The following VRK3 variants were observed in gnomAD, a reference collection of about 807,000 sequenced individuals.
VRK3 encodes serine/threonine-protein kinase VRK3.
VRK3 carries 50 observed loss-of-function variants against 60.4 expected under a neutral mutation model. The ratio of observed to expected loss-of-function variants is 0.83; its 90% CI spans 0.66 to 1.05. The LOEUF (loss-of-function observed/expected upper bound fraction) is 1.05. Among genes scored for constraint, VRK3 ranks in the 50% least tolerant of loss-of-function variants. VRK3 has a pLI of 0.00. For synonymous variants in VRK3, 246 were observed against 227.8 expected (o/e 1.08, Z -0.72); for missense variants, 549 against 585.3 (o/e 0.94, Z 0.64).
chr19:50,012,389 TATC>T (rs1223681603), intron 3 of VRK3, among the ~76,000 whole-genome samples: 2 of 152,224 alleles, frequency 1.3e-5, no homozygotes, highest in Non-Finnish European at 2.9e-5. Flanking sequence ...TCCCCTCTGT[TATC>T]ATGCAACCTG....
At chr19:50,001,388 AG>A (rs2076803204) in intron 5 of VRK3, 1 of 153,126 alleles carries the variant, frequency 6.5e-6, no homozygotes, top group African/African-American at 2.4e-5. Context: ...ACTTCATCCA[AG>A]GCCACATCCC....
At chr19:50,014,035 G>A (rs1414659953) in intron 3 of VRK3, among the ~76,000 whole-genome samples, 2 of 152,194 alleles carry the variant, frequency 1.3e-5, no homozygotes, top group East Asian at 3.9e-4. Flanking sequence ...GGGGGGCTGA[G>A]GCAGGTAGAT....
At chr19:49,995,073 C>T (rs2076678234) in intron 8 of VRK3, 118 bp downstream of exon 8, 20 of 1,303,658 alleles carry the variant, frequency 1.5e-5, no homozygotes, top group African/African-American at 5.9e-5. Flanking sequence ...GTCAAAACTA[C>T]GAGAAGGCAG....
intron 5 of VRK3, among the ~76,000 whole-genome samples, chr19:50,003,865 T>C (rs2076850431): frequency 6.6e-6 from 1 of 152,206 alleles, no homozygotes; most frequent in African/African-American, 2.4e-5. Flanking sequence ...CTGTCTGTGC[T>C]GGCACCGCGG....
Position 49,988,637 on chromosome 19 carries a change from G to A in VRK3, c.1097-145C>T, listed in dbSNP as rs548880941. ...TCCAGCCATATGGGCTGTCTCCTCC[G>A]CTCATTCACTTTCATGAGTAGGCAG... On this transcript the variant is annotated intron_variant, in intron 11 of 14. Transcript: ENST00000316763. 58 of 1,133,482 alleles carry A rather than the reference G, an allele frequency of 5.1e-5. No individual in the cohort carries two copies. In the South Asian group the frequency reaches 7.1e-4, roughly 14 times the overall value. 70.2% of individuals were successfully genotyped at this position (1,133,482 alleles called of 1,614,324 possible). A position where few individuals can be genotyped will look rare whatever the true frequency, so the allele number is the denominator to read the frequency against.
At chr19:50,022,833 CTGTCCCTCCTCTACTCA>C (rs2077192954) in intron 1 of VRK3, among the ~76,000 whole-genome samples, 1 of 152,090 alleles carries the variant, frequency 6.6e-6, no homozygotes, top group African/African-American at 2.4e-5. Flanking sequence ...AAGTCAGACC[CTGTCCCTCCTCTACTCA>C]AAACCGTATG....
At chr19:50,021,412 G>GGCTC (rs1296224229) in intron 1 of VRK3, among the ~76,000 whole-genome samples, 3 of 152,162 alleles carry the variant, frequency 2.0e-5, no homozygotes, top group Non-Finnish European at 4.4e-5. Context: ...GCACCTGGCT[G>GGCTC]GCTCGCTCAG....
intron 6 of VRK3, chr19:49,997,820 T>A (rs1286727853): frequency 7.4e-6 from 3 of 405,092 alleles, no homozygotes; most frequent in African/African-American, 2.1e-5. Flanking sequence ...GCCTTCAGCA[T>A]AAAAACTACG....
intron 12 of VRK3, chr19:49,981,827 G>A: frequency 8.5e-7 from 1 of 1,179,296 alleles, no homozygotes; most frequent in Non-Finnish European, 1.1e-6. Context: ...CACTGGTCAG[G>A]GAGCTCGTGG....
chr19:49,993,001 AG>A lies in VRK3; in HGVS notation c.871-50del, dbSNP rs374212829. On this transcript the variant is annotated intron_variant, in intron 9 of 14. Transcript: ENST00000316763. ...TCTGCATGAGCAGTACGACTAACAC[AG>A]AGAGGCTATGGTGCAGACCAGGAGG... The A allele has an allele frequency of 2.3e-3, 3,467 of 1,536,754 alleles. 94 individuals carry two copies. The South Asian group carries it at 0.037, about 16-fold the overall frequency.
In VRK3 at chr19:50,009,021, G is replaced by C. The variant is rs79509173; in HGVS notation, c.289+215C>G. 6.6e-3 allele frequency among the ~76,000 whole-genome samples: 1,009 copies of C among 152,278 alleles called. 21 individuals are homozygous for C. Among genetic ancestry groups the C allele is most frequent in the African/African-American group, 0.023 (959 of 41,546 alleles). On this transcript the variant is annotated intron_variant, in intron 4 of 14. Transcript: ENST00000316763. Reference sequence around the variant, plus strand: ...CAGTAGGGGTCTGTGTGCAGGGAGGGGCCGGGGCAGCTCTAGGTGCTGAAA... The same window carrying C: ...CAGTAGGGGTCTGTGTGCAGGGAGGCGCCGGGGCAGCTCTAGGTGCTGAAA...
chr19:50,021,370 G>C (rs1202937759), intron 1 of VRK3, among the ~76,000 whole-genome samples: 1 of 152,180 alleles, frequency 6.6e-6, no homozygotes, highest in Non-Finnish European at 1.5e-5. Flanking sequence ...AAGGCCATGA[G>C]ACTTCCCAGG....
intron 2 of VRK3, among the ~76,000 whole-genome samples, chr19:50,019,608 C>G (rs552026995): frequency 2.1e-5 from 3 of 143,682 alleles, no homozygotes; most frequent in South Asian, 2.3e-4. Flanking sequence ...CTCTTGGGCT[C>G]AAGCCATCCT....
At chr19:50,006,652 G>A (rs1012188479) in intron 5 of VRK3, among the ~76,000 whole-genome samples, 1 of 152,160 alleles carries the variant, frequency 6.6e-6, no homozygotes, top group African/African-American at 2.4e-5. Flanking sequence ...TGGGATTACA[G>A]GCGTGAGCCA....
At chr19:50,015,221 G>A (rs1424288746) in intron 3 of VRK3, among the ~76,000 whole-genome samples, 5 of 152,082 alleles carry the variant, frequency 3.3e-5, no homozygotes, top group Admixed American at 6.6e-5. Context: ...TCCCAAATCC[G>A]GAAATCTGAA....
chr19:49,988,960 T>C (rs2076564331), intron 11 of VRK3, among the ~76,000 whole-genome samples: 1 of 152,134 alleles, frequency 6.6e-6, no homozygotes, highest in African/African-American at 2.4e-5. Flanking sequence ...GGGGAGACTC[T>C]GACAGTTTAT....
chr19:50,010,740 C>A (rs2076981569), intron 3 of VRK3, among the ~76,000 whole-genome samples: 1 of 152,124 alleles, frequency 6.6e-6, no homozygotes, highest in South Asian at 2.1e-4. Flanking sequence ...TGGTGAAACC[C>A]CGTCCCTACT....
intron 12 of VRK3, chr19:49,981,306 G>A: frequency 2.7e-6 from 1 of 367,526 alleles, no homozygotes; most frequent in Non-Finnish European, 5.0e-6. Context: ...CAACACTTTG[G>A]GAGGCCGAGG....
intron 3 of VRK3, among the ~76,000 whole-genome samples, chr19:50,009,860 T>G (rs995291583): frequency 6.6e-6 from 1 of 152,146 alleles, no homozygotes; most frequent in Non-Finnish European, 1.5e-5. Flanking sequence ...AGACTGGTTT[T>G]GAACTCCTGA....
Sources: gnomAD v4.1 joint callset for allele counts (sites outside exome capture counted in the v4.1 genomes callset) on GRCh38, gnomAD v4.1.1 for gene constraint, MANE v1.5 for transcripts, NCBI Gene and HGNC (gene_info 2026-07-23, HGNC 2026-07-21) for gene names.